The following GCFC2 variants were observed in gnomAD, a reference collection of about 807,000 sequenced individuals.
GCFC2 encodes intron Large complex component GCFC2.
Under a neutral mutation model 99.4 loss-of-function variants are expected in GCFC2, and 102 were observed. The ratio of observed to expected loss-of-function variants is 1.03; its 90% CI spans 0.87 to 1.21. GCFC2 has a LOEUF of 1.21. Among genes scored for constraint, GCFC2 ranks in the 50% most tolerant of loss-of-function variants. The pLI, the probability that GCFC2 is intolerant of heterozygous loss-of-function variation, is 0.00. For synonymous variants in GCFC2, 338 were observed against 316.8 expected, an observed-to-expected ratio of 1.07 and a Z score of -0.71; for missense variants, 973 against 920.9, an observed-to-expected ratio of 1.06 and a Z score of -0.73.
intron 4 of GCFC2, among the ~76,000 whole-genome samples, 194 bp downstream of exon 4, chr2:75,700,996 G>C (rs33915308): frequency 0.17 from 25,520 of 152,100 alleles, 2,753 homozygotes; most frequent in Non-Finnish European, 0.23. Flanking sequence ...GTTGCAAAAG[G>C]CAAGGAAGAA....
rs780533294 is a variant in GCFC2 at position 75,690,068 on chromosome 2, GTCT to G, written c.1237_1239del (p.Arg413del). The G allele has an allele frequency of 4.7e-5, 75 of 1,600,386 alleles. No homozygotes were observed. The Middle Eastern group carries it at 5.0e-4, about 11-fold the overall frequency. On this transcript the variant is annotated inframe_deletion, in exon 9 of 17. Transcript: ENST00000321027. ...CAATTCCCAGAAAGCACCCTTGCTTGTCTTCTTTTTGTCCTATATTTTGCAACA... is the reference window on the plus strand; with the variant it reads ...CAATTCCCAGAAAGCACCCTTGCTTGTCTTTTTGTCCTATATTTTGCAACA...
In GCFC2 at chr2:75,701,182, A is replaced by G. The variant is rs376599734; in HGVS notation, c.717+8T>C. 14 of 1,456,132 alleles carry G rather than the reference A, an allele frequency of 9.6e-6. No individual in the cohort carries two copies. In the African/African-American group the frequency reaches 1.7e-4, roughly 17 times the overall value. The allele number at this position is 1,456,132 out of a possible 1,614,324, so 90.2% of individuals were successfully genotyped here. ...GAATCTAATACACATGGGATAAAAA[A>G]TGATTACCTCTATGATTTTAACTGC... On this transcript the variant is annotated splice_region_variant and intron_variant, in intron 4 of 16. Transcript: ENST00000321027.
At position 75,710,890 on chromosome 2, in the gene GCFC2, G is replaced by C. The variant is rs768806876; in HGVS notation, c.-35C>G. The C allele has an allele frequency of 8.7e-6, 13 of 1,492,978 alleles. No individual in the cohort carries two copies. The Middle Eastern group carries it at 7.2e-4, about 82-fold the overall frequency. 92.5% of individuals were successfully genotyped at this position (1,492,978 alleles called of 1,614,324 possible). A position where few individuals can be genotyped will look rare whatever the true frequency, so the allele number is the denominator to read the frequency against. Reference sequence around the variant, plus strand: ...CCGAGCGCCCGGCGCCCTAGAACCCGCTGAACCGCAAGCCGCAGCTTCAGT... The same window carrying C: ...CCGAGCGCCCGGCGCCCTAGAACCCCCTGAACCGCAAGCCGCAGCTTCAGT... On this transcript the variant is annotated 5_prime_UTR_variant, in exon 1 of 17. Transcript: ENST00000321027.
intron 9 of GCFC2, 114 bp from the exon 10 acceptor site, chr2:75,689,339 T>C (rs1679953203): frequency 3.5e-6 from 2 of 575,412 alleles, no homozygotes; most frequent in Non-Finnish European, 6.1e-6. Flanking sequence ...TGTCCTTTTA[T>C]ATTAATATAA....
At position 75,680,226 on chromosome 2, in the gene GCFC2, G is replaced by A. The variant is rs745992304; in HGVS notation, c.1779C>T (p.Ser593=). ...THCRVILEEH[S]TCENEVSKSR... ...TTTTACTAACTTCATTTTCACAAGT[G>A]GAATGTTCTTCAAGAATCACTCTGC... The change falls in exon 12 of 17, where the codon TCC becomes TCT. Residue 593 remains serine (S), a synonymous_variant. Transcript: ENST00000321027. The A allele has an allele frequency of 6.2e-7, 1 of 1,605,508 alleles. No homozygotes were observed. Among genetic ancestry groups the A allele is most frequent in the East Asian group, 2.2e-5 (1 of 44,722 alleles).
rs1346175356 is a variant in GCFC2, at chr2:75,710,743, G to A, written c.113C>T (p.Pro38Leu). ...EPGAPRELPV[P>L]GSAEEEPPSG... ...GGGCGGCTCTTCCTCCGCAGAACCCGGGACCGGAAGTTCCCTCGGCGCCCC... is the reference window on the plus strand; with the variant it reads ...GGGCGGCTCTTCCTCCGCAGAACCCAGGACCGGAAGTTCCCTCGGCGCCCC... Residue 38 changes from proline (P) to leucine (L), a missense_variant, in exon 1 of 17, where the codon CCG becomes CTG. Coordinates refer to ENST00000321027, the MANE Select transcript of GCFC2 (RefSeq NM_003203.5). 5 of 1,562,454 alleles carry A rather than the reference G, an allele frequency of 3.2e-6. No individual in the cohort carries two copies. Among genetic ancestry groups the A allele is most frequent in the Non-Finnish European group, 4.3e-6 (5 of 1,158,556 alleles).
intron 10 of GCFC2, 137 bp from the exon 11 acceptor site, chr2:75,688,114 C>A (rs892843802): frequency 1.7e-6 from 1 of 593,196 alleles, no homozygotes. Flanking sequence ...TAACACTAGA[C>A]CACCAAGGCT....
chr2:75,710,969 C>G (rs1446271856), upstream of GCFC2: 13 of 1,367,620 alleles, frequency 9.5e-6, no homozygotes, highest in Admixed American at 7.9e-5. Flanking sequence ...TGCGCGCGCC[C>G]GTCCCGCCTG....
intron 1 of GCFC2, 41 bp from the exon 2 acceptor site, chr2:75,706,692 ATAATGGAATTAT>A: frequency 1.4e-6 from 2 of 1,393,034 alleles, no homozygotes; most frequent in Non-Finnish European, 2.0e-6. Flanking sequence ...AAGAGTCAAA[ATAATGGAATTAT>A]TAATTGAAAT....
intron 12 of GCFC2, among the ~76,000 whole-genome samples, chr2:75,678,368 A>G (rs887867158): frequency 4.6e-5 from 7 of 152,212 alleles, no homozygotes; most frequent in African/African-American, 1.7e-4. Flanking sequence ...CTCTCTGTAC[A>G]TCTTTCAAAT....
intron 1 of GCFC2, among the ~76,000 whole-genome samples, chr2:75,709,763 T>C (rs1681046924): frequency 6.6e-6 from 1 of 152,254 alleles, no homozygotes; most frequent in African/African-American, 2.4e-5. Context: ...ATTTAGTCAC[T>C]GTAGACACAT....
chr2:75,687,889 C>G lies in GCFC2; in HGVS notation c.1628G>C (p.Ser543Thr), dbSNP rs201521372. The G allele has an allele frequency of 1.1e-3, 1,749 of 1,605,018 alleles. 31 individuals carry two copies. The South Asian group carries it at 0.018, about 17-fold the overall frequency. Residue 543 changes from serine (S) to threonine (T), a missense_variant, in exon 11 of 17, where the codon AGT becomes ACT. By Grantham distance (58) the Ser-to-Thr change is moderately conservative. Transcript: ENST00000321027. ...DSSVEDSKKE[S>T]SSDKKVLSAI... is the part of the protein sequence containing the mutation. Reference sequence around the variant, plus strand: ...AGACAAGACTTTTTTATCTGAACTACTTTCCTTCTTTGAATCTTCCACACT... The same window carrying G: ...AGACAAGACTTTTTTATCTGAACTAGTTTCCTTCTTTGAATCTTCCACACT...
At chr2:75,698,399 A>G (rs778050578) in intron 4 of GCFC2, among the ~76,000 whole-genome samples, 3 of 152,252 alleles carry the variant, frequency 2.0e-5, no homozygotes, top group Non-Finnish European at 4.4e-5. Flanking sequence ...TGTTAATTAA[A>G]AAAATCAGAT....
intron 11 of GCFC2, among the ~76,000 whole-genome samples, 192 bp from the exon 12 acceptor site, chr2:75,680,506 C>T (rs1679525436): frequency 6.6e-6 from 1 of 152,172 alleles, no homozygotes; most frequent in Non-Finnish European, 1.5e-5. Flanking sequence ...TTAAACTCCT[C>T]TGGCTAAACT....
chr2:75,669,793 C>T (rs1205300302), intron 15 of GCFC2, among the ~76,000 whole-genome samples: 4 of 151,938 alleles, frequency 2.6e-5, no homozygotes, highest in Non-Finnish European at 5.9e-5. Flanking sequence ...AGTGCAATGG[C>T]GGCTCACTGC....
intron 2 of GCFC2, among the ~76,000 whole-genome samples, chr2:75,702,711 T>G (rs1369390565): frequency 2.6e-5 from 4 of 152,228 alleles, no homozygotes; most frequent in Non-Finnish European, 5.9e-5. Context: ...CTGCTCACTT[T>G]GTTGAGGGGT....
upstream of GCFC2, chr2:75,711,199 G>A (rs952137541): frequency 7.1e-6 from 7 of 985,304 alleles, no homozygotes; most frequent in African/African-American, 1.0e-4. Context: ...CAGAAATCAA[G>A]CGTTATGCTT....
intron 2 of GCFC2, among the ~76,000 whole-genome samples, chr2:75,703,665 C>T (rs189801951): frequency 7.9e-5 from 12 of 152,216 alleles, no homozygotes; most frequent in Admixed American, 4.6e-4. Context: ...GATTCAAAAC[C>T]ATCACAGCAG....
intron 11 of GCFC2, among the ~76,000 whole-genome samples, chr2:75,681,608 C>G (rs937408912): frequency 2.0e-5 from 3 of 151,804 alleles, no homozygotes; most frequent in African/African-American, 7.3e-5. Context: ...ATTCACCACC[C>G]TGGAAAAGGG....
Sources: allele counts gnomAD v4.1 joint callset (sites outside exome capture counted in the v4.1 genomes callset), GRCh38; gene constraint gnomAD v4.1.1; transcripts MANE v1.5; gene names NCBI Gene and HGNC (gene_info 2026-07-23, HGNC 2026-07-21).